PCDHGB7: variants seen among roughly 807,000 people sequenced by gnomAD.
The protein encoded by PCDHGB7 is protocadherin gamma subfamily B, 7.
Under a neutral mutation model 61.4 loss-of-function variants are expected in PCDHGB7, and 37 were observed. The observed-to-expected ratio is 0.60, with a 90% CI of 0.46 to 0.79. The LOEUF (loss-of-function observed/expected upper bound fraction) is 0.79, where lower values mean the gene tolerates loss of function less well. PCDHGB7 is among the 30% of genes least tolerant of loss of function. PCDHGB7 has a pLI of 0.00. For synonymous variants in PCDHGB7, 464 were observed against 503.5 expected, an observed-to-expected ratio of 0.92 and a Z score of 1.05; for missense variants, 1,166 against 1,202.5, an observed-to-expected ratio of 0.97 and a Z score of 0.45.
chr5:141,493,289 C>T lies in PCDHGB7; in HGVS notation c.2416-1518C>T, dbSNP rs925045650. 2.6e-5 allele frequency among the ~76,000 whole-genome samples: 4 copies of T among 152,176 alleles called. No individual in the cohort carries two copies. Among genetic ancestry groups the T allele is most frequent in the Non-Finnish European group, 5.9e-5 (4 of 68,030 alleles). On this transcript the variant is annotated intron_variant, in intron 1 of 3. Coordinates refer to ENST00000398594, the MANE Select transcript of PCDHGB7 (RefSeq NM_018927.4). The surrounding 1 kb of genome is among the most constrained non-coding windows in gnomAD (Gnocchi z 4.3). ...CTTCACAGAGGTCAAGTGACTTGCT[C>T]AAGTTCACAGAGCAAGTAAGAGAGA...
Position 141,419,069 on chromosome 5 carries a change from C to G in PCDHGB7, c.1210C>G (p.Leu404Val). ...TTCTTCTTCTAATAATTACTACAAG[C>G]TAGTAACAGATGAGGCCCTGGATCG... Reference protein sequence around the residue: ...IHSSSNNYYKLVTDEALDREQ... With the variant: ...IHSSSNNYYKVVTDEALDREQ... The change falls in exon 1 of 4, where the codon CTA (leucine) becomes GTA (valine). Residue 404 changes from leucine (L) to valine (V), a missense_variant. Transcript: ENST00000398594. The G allele has an allele frequency of 6.2e-7, 1 of 1,613,912 alleles. No homozygotes were observed. Among genetic ancestry groups the G allele is most frequent in the Admixed American group, 1.7e-5 (1 of 60,030 alleles).
intron 2 of PCDHGB7, 143 bp from the exon 3 acceptor site, chr5:141,505,250 T>C: frequency 2.8e-6 from 4 of 1,439,476 alleles, no homozygotes; most frequent in Non-Finnish European, 9.3e-7. Flanking sequence ...ATTGTAGAAG[T>C]GCCTCCTACC....
intron 1 of PCDHGB7, chr5:141,428,912 T>C (rs1010303812): frequency 6.6e-6 from 1 of 151,946 alleles, no homozygotes; most frequent in Non-Finnish European, 1.5e-5. Context: ...TGGAGTGCAG[T>C]GGCATGATCT....
Position 141,419,505 on chromosome 5 carries a change from G to C in PCDHGB7, c.1646G>C (p.Arg549Pro). ...SPALSANVSL[R>P]VLVGDRNDNA... ...GCGCTCAGCGCCAATGTGAGCCTGC[G>C]CGTGTTGGTGGGCGACCGTAACGAC... The change falls in exon 1 of 4, where the codon CGC becomes CCC. Residue 549 changes from arginine (R) to proline (P), a missense_variant. Coordinates refer to ENST00000398594, the MANE Select transcript of PCDHGB7 (RefSeq NM_018927.4). The C allele has an allele frequency of 6.2e-7, 1 of 1,612,324 alleles. No individual in the cohort carries two copies. Among genetic ancestry groups the C allele is most frequent in the Non-Finnish European group, 8.5e-7 (1 of 1,179,494 alleles).
At chr5:141,437,312 G>T (rs2097875410) in intron 1 of PCDHGB7, among the ~76,000 whole-genome samples, 1 of 152,176 alleles carries the variant, frequency 6.6e-6, no homozygotes, top group South Asian at 2.1e-4. Context: ...AAAGCGTTCA[G>T]CTATAATTTA....
chr5:141,446,634 G>A (rs927873152), intron 1 of PCDHGB7, among the ~76,000 whole-genome samples: 6 of 151,928 alleles, frequency 3.9e-5, no homozygotes, highest in Admixed American at 2.6e-4. Context: ...GCACCACCAC[G>A]CCTGGCTAAT....
rs1247556723 is a variant in PCDHGB7 at position 141,489,841 on chromosome 5, G to A, written c.2416-4966G>A. 6.2e-7 allele frequency: 1 copy of A among 1,614,224 alleles called. No individual in the cohort carries two copies. The highest frequency in any genetic ancestry group is 1.7e-5 in the Admixed American group (1 of 60,032). On this transcript the variant is annotated intron_variant, in intron 1 of 3. Coordinates refer to ENST00000398594, the MANE Select transcript of PCDHGB7 (RefSeq NM_018927.4). The surrounding 1 kb of genome is among the most constrained non-coding windows in gnomAD (Gnocchi z 4.5). Reference sequence around the variant, plus strand: ...AGAGCTGGTGCTAGAGCAGCAGCTGGATCGTGAAGCCCAGGCAAGACATCA... The same window carrying A: ...AGAGCTGGTGCTAGAGCAGCAGCTGAATCGTGAAGCCCAGGCAAGACATCA...
intron 1 of PCDHGB7, among the ~76,000 whole-genome samples, chr5:141,466,570 T>C (rs967163331): frequency 6.6e-6 from 1 of 152,202 alleles, no homozygotes; most frequent in East Asian, 1.9e-4. Flanking sequence ...TCTTCAACAT[T>C]GTCTCATCCC....
At position 141,477,137 on chromosome 5, in the gene PCDHGB7, G is replaced by A; in HGVS notation, c.2416-17670G>A. 1 of 1,614,200 alleles carries A rather than the reference G, an allele frequency of 6.2e-7. No individual in the cohort carries two copies. The highest frequency in any genetic ancestry group is 8.5e-7 in the Non-Finnish European group (1 of 1,180,050). On this transcript the variant is annotated intron_variant, in intron 1 of 3. Coordinates refer to ENST00000398594, the MANE Select transcript of PCDHGB7 (RefSeq NM_018927.4). The surrounding 1 kb of genome is among the most constrained non-coding windows in gnomAD (Gnocchi z 4.9). ...AGGAGCACATTGCAAAGTGTTGGTG[G>A]AGGTTGTGGATGTGAATGACAACGC...
rs767047378 is a variant in PCDHGB7 at position 141,419,652 on chromosome 5, CG to C, written c.1797del (p.His600ThrfsTer44). 3 of 1,612,590 alleles carry C rather than the reference CG, an allele frequency of 1.9e-6. No individual in the cohort carries two copies. Among genetic ancestry groups the C allele is most frequent in the Non-Finnish European group, 1.7e-6 (2 of 1,179,714 alleles). ...AAGGTGGTGGCCGTGGACGCGGACT[CG>C]GGGCACAATGCCTGGCTGTCCTACC... ...VTKVVAVDAD[S>X]GHNAWLSYHV... On this transcript the variant is annotated frameshift_variant, in exon 1 of 4. Transcript: ENST00000398594. LOFTEE classifies it high-confidence loss of function.
chr5:141,490,978 C>T lies in PCDHGB7; in HGVS notation c.2416-3829C>T. 6.2e-7 allele frequency: 1 copy of T among 1,614,100 alleles called. No individual in the cohort carries two copies. Among genetic ancestry groups the T allele is most frequent in the Non-Finnish European group, 8.5e-7 (1 of 1,180,034 alleles). ...GGAACACTCAGCCCCCCAGCGTCTC[C>T]CTCGCTCTGCTCCTCCTGGCTCCTT... is the stretch of plus-strand genomic sequence containing the variant. On this transcript the variant is annotated intron_variant, in intron 1 of 3. Coordinates refer to ENST00000398594, the MANE Select transcript of PCDHGB7 (RefSeq NM_018927.4). The surrounding 1 kb of genome is among the most constrained non-coding windows in gnomAD (Gnocchi z 5.4).
intron 3 of PCDHGB7, 87 bp from the exon 4 acceptor site, chr5:141,510,854 TGTATAG>T: frequency 6.2e-7 from 1 of 1,602,320 alleles, no homozygotes; most frequent in Non-Finnish European, 8.5e-7. Flanking sequence ...CCCAGGGTGC[TGTATAG>T]GCATTCATTA....
chr5:141,420,313 C>A, intron 1 of PCDHGB7, 39 bp downstream of exon 1: 1 of 1,434,874 alleles, frequency 7.0e-7, no homozygotes, highest in Non-Finnish European at 9.4e-7. Flanking sequence ...TTTTATATTA[C>A]AATATGCCAA....
rs980122657 is a variant in PCDHGB7, at chr5:141,511,379, C to G, written c.*206C>G. The G allele has an allele frequency of 2.9e-5, 34 of 1,169,842 alleles. No individual in the cohort carries two copies. The highest frequency in any genetic ancestry group is 3.9e-5 in the Non-Finnish European group (33 of 853,834). The allele number at this position is 1,169,842 out of a possible 1,614,324, so 72.5% of individuals were successfully genotyped here. ...GGGGGTTGAATATGCAAAAGCAGTT[C>G]CGCTGGGAACCCCCATCCAATCAAC... On this transcript the variant is annotated 3_prime_UTR_variant, in exon 4 of 4. Transcript: ENST00000398594.
chr5:141,466,683 A>G (rs1347308492), intron 1 of PCDHGB7, among the ~76,000 whole-genome samples: 1 of 152,170 alleles, frequency 6.6e-6, no homozygotes, highest in African/African-American at 2.4e-5. Context: ...CTTCCACTCA[A>G]GCTTCATCAT....
At position 141,419,240 on chromosome 5, in the gene PCDHGB7, G is replaced by C. The variant is rs753956971; in HGVS notation, c.1381G>C (p.Val461Leu). 6.2e-7 allele frequency: 1 copy of C among 1,613,980 alleles called. No homozygotes were observed. Among genetic ancestry groups the C allele is most frequent in the South Asian group, 1.1e-5 (1 of 91,084 alleles). ...CGGACAGTCAGCCTACCTGGTCCAC[G>C]TGCCAGAAAACAACCAGCCGGGTGC... The part of the protein sequence containing the change: ...VFGQSAYLVH[V>L]PENNQPGASI... The change falls in exon 1 of 4, where the codon GTG (valine) becomes CTG (leucine). Residue 461 changes from valine to leucine, a missense_variant. Coordinates refer to ENST00000398594, the MANE Select transcript of PCDHGB7 (RefSeq NM_018927.4).
chr5:141,491,434 A>G lies in PCDHGB7; in HGVS notation c.2416-3373A>G, dbSNP rs1362196179. The G allele has an allele frequency of 6.2e-7, 1 of 1,614,032 alleles. No individual in the cohort carries two copies. ...GGACGGGGGTGGAGGGCAGTGCTGC[A>G]GGCGCCAGGACTCACCCTCCCCGGA... On this transcript the variant is annotated intron_variant, in intron 1 of 3. Coordinates refer to ENST00000398594, the MANE Select transcript of PCDHGB7 (RefSeq NM_018927.4). The surrounding 1 kb of genome is among the most constrained non-coding windows in gnomAD (Gnocchi z 6.9).
chr5:141,429,264 A>T (rs1029363907), intron 1 of PCDHGB7: 1 of 151,938 alleles, frequency 6.6e-6, no homozygotes, highest in Non-Finnish European at 1.5e-5. Flanking sequence ...TGAGGAATAA[A>T]TTTTTTTCCT....
At chr5:141,496,817 T>C (rs2099771666) in intron 2 of PCDHGB7, among the ~76,000 whole-genome samples, 1 of 151,020 alleles carries the variant, frequency 6.6e-6, no homozygotes, top group Non-Finnish European at 1.5e-5. Flanking sequence ...AGTGAACAAG[T>C]AGATGTGATC....
Sources: allele counts gnomAD v4.1 joint callset (sites outside exome capture counted in the v4.1 genomes callset), GRCh38; gene constraint gnomAD v4.1.1; non-coding constraint Gnocchi (gnomAD v3.1); transcripts MANE v1.5; gene names NCBI Gene and HGNC (gene_info 2026-07-23, HGNC 2026-07-21).